Variants in MBTD1 observed in about 807,000 individuals in gnomAD.
MBTD1 encodes the protein mbt domain containing 1.
In MBTD1, 24 loss-of-function variants were observed where a neutral mutation model predicts 87.8. The observed-to-expected ratio is 0.27, with a 90% CI of 0.20 to 0.38. The LOEUF (loss-of-function observed/expected upper bound fraction) is 0.38. MBTD1 is among the 10% of genes least tolerant of loss of function. The pLI, the probability that MBTD1 is intolerant of heterozygous loss-of-function variation, is 1.00. For missense variants in MBTD1, 436 were observed against 760.2 expected (o/e 0.57, Z 5.02); for synonymous variants, 237 against 248.6 (o/e 0.95, Z 0.44).
In MBTD1 at chr17:51,178,522, T is replaced by A; in HGVS notation, c.*2054A>T. ...CATGGAGCTCCTAAATCCAAGGTACTGGCAGAGTACACTACACAACAGGCT... is the reference window on the plus strand; with the variant it reads ...CATGGAGCTCCTAAATCCAAGGTACAGGCAGAGTACACTACACAACAGGCT... On this transcript the variant is annotated 3_prime_UTR_variant, in exon 17 of 17. Transcript: ENST00000586178. The A allele has an allele frequency of 6.6e-6, 1 of 152,236 alleles. No individual in the cohort carries two copies. The highest frequency in any genetic ancestry group is 2.4e-5 in the African/African-American group (1 of 41,464). The allele number at this position is 152,236 out of a possible 1,614,324, so 9.4% of individuals were successfully genotyped here. A position where few individuals can be genotyped will look rare whatever the true frequency, so the allele number is the denominator to read the frequency against.
chr17:51,193,411 C>G lies in MBTD1; in HGVS notation c.1455+17G>C, dbSNP rs780437287. On this transcript the variant is annotated intron_variant, in intron 14 of 16. Coordinates refer to ENST00000586178, the MANE Select transcript of MBTD1 (RefSeq NM_017643.3). The stretch of plus-strand genomic sequence containing the variant: ...ATTAATAAGTCCTCACATAATTATG[C>G]TGCCATTTAAATTTACCTTATTAAA... The G allele has an allele frequency of 3.8e-6, 6 of 1,568,170 alleles. No homozygotes were observed. In the East Asian group the frequency reaches 1.3e-4, roughly 35 times the overall value.
intron 2 of MBTD1, among the ~76,000 whole-genome samples, chr17:51,242,079 T>C (rs2054190764): frequency 1.3e-5 from 2 of 152,208 alleles, no homozygotes; most frequent in Non-Finnish European, 2.9e-5. Flanking sequence ...GAACCAAACA[T>C]TTCTCCTAAC....
rs2050195352 is a variant in MBTD1, at chr17:51,179,454, A to C, written c.*1122T>G. 7.7e-6 allele frequency: 1 copy of C among 129,572 alleles called. No individual in the cohort carries two copies. The allele number at this position is 129,572 out of a possible 1,614,324, so 8.0% of individuals were successfully genotyped here. ...AATGGTCCAAATCGGTTATTATTAA[A>C]ATAAATCCTGAATACAATTAAAGAC... On this transcript the variant is annotated 3_prime_UTR_variant, in exon 17 of 17. Transcript: ENST00000586178.
chr17:51,219,419 A>C (rs1435439849), intron 4 of MBTD1, among the ~76,000 whole-genome samples: 1 of 152,202 alleles, frequency 6.6e-6, no homozygotes, highest in Non-Finnish European at 1.5e-5. Context: ...TTATATGGTA[A>C]GAGAAGATAA....
chr17:51,224,931 A>G (rs1049925009), intron 3 of MBTD1, 77 bp downstream of exon 3: 7 of 875,496 alleles, frequency 8.0e-6, no homozygotes, highest in Non-Finnish European at 1.1e-5. Context: ...AAGGAAGGGG[A>G]AATGACAGAA....
At chr17:51,251,260 C>A (rs553739048) in intron 2 of MBTD1, 17 of 152,256 alleles carry the variant, frequency 1.1e-4, no homozygotes, top group African/African-American at 4.1e-4. Flanking sequence ...AGAGCTCCTA[C>A]TTCAAGAACA....
At chr17:51,248,150 A>G (rs974470124) in intron 2 of MBTD1, among the ~76,000 whole-genome samples, 1 of 152,174 alleles carries the variant, frequency 6.6e-6, no homozygotes, top group African/African-American at 2.4e-5. Context: ...TGATTCATCT[A>G]TTATGTGACT....
intron 5 of MBTD1, among the ~76,000 whole-genome samples, chr17:51,217,788 T>C (rs2052653752): frequency 6.6e-6 from 1 of 152,210 alleles, no homozygotes; most frequent in African/African-American, 2.4e-5. Context: ...TTTGTATTTT[T>C]AGTAGAGACG....
intron 16 of MBTD1, chr17:51,184,812 G>A (rs946654763): frequency 1.3e-5 from 2 of 152,074 alleles, no homozygotes; most frequent in African/African-American, 4.8e-5. Context: ...ATAAATAAGT[G>A]CAAAAAGAAA....
chr17:51,193,354 ATTTTT>A (rs2050903993), intron 14 of MBTD1, 69 bp downstream of exon 14: 1 of 1,028,220 alleles, frequency 9.7e-7, no homozygotes, highest in Non-Finnish European at 1.5e-6. Flanking sequence ...AGGCAAAGAC[ATTTTT>A]ATGAACATAA....
chr17:51,222,336 C>T (rs1048881806), intron 3 of MBTD1, among the ~76,000 whole-genome samples: 3 of 152,230 alleles, frequency 2.0e-5, no homozygotes, highest in Non-Finnish European at 4.4e-5. Flanking sequence ...GATAAAATCT[C>T]ATGTAGCTTT....
chr17:51,192,462 C>T (rs910168483), intron 15 of MBTD1, 182 bp from the exon 16 acceptor site: 17 of 627,616 alleles, frequency 2.7e-5, no homozygotes, highest in South Asian at 2.0e-4. Flanking sequence ...ACATTTTCCA[C>T]TATTTACTCA....
intron 6 of MBTD1, among the ~76,000 whole-genome samples, chr17:51,207,396 GA>G (rs1447932558): frequency 6.6e-6 from 1 of 152,092 alleles, no homozygotes; most frequent in East Asian, 1.9e-4. Context: ...CCTAAGAGCA[GA>G]AAGAAAAACA....
intron 2 of MBTD1, among the ~76,000 whole-genome samples, chr17:51,230,442 T>C (rs939750927): frequency 6.8e-6 from 1 of 147,442 alleles, no homozygotes; most frequent in East Asian, 1.9e-4. Context: ...CAGAAAAGCA[T>C]GCAAAGCAGA....
chr17:51,210,163 G>A lies in MBTD1; in HGVS notation c.487-3158C>T, dbSNP rs966204489. On this transcript the variant is annotated intron_variant, in intron 6 of 16. Coordinates refer to ENST00000586178, the MANE Select transcript of MBTD1 (RefSeq NM_017643.3). ...ATTACAGGCGCATGCCACCAAGCCT[G>A]GCTAATTTTTGTATTTTTAGTTTTG... is the stretch of plus-strand genomic sequence containing the variant. 2.6e-5 allele frequency among the ~76,000 whole-genome samples: 4 copies of A among 151,950 alleles called. No homozygotes were observed. In the East Asian group the frequency reaches 5.8e-4, roughly 22 times the overall value.
intron 2 of MBTD1, among the ~76,000 whole-genome samples, chr17:51,238,624 G>A (rs1231784770): frequency 1.3e-5 from 2 of 152,158 alleles, no homozygotes; most frequent in African/African-American, 4.8e-5. Context: ...TGTTGCAGCA[G>A]CATGGGGAAA....
At chr17:51,190,896 C>T (rs140201020) in intron 16 of MBTD1, among the ~76,000 whole-genome samples, 14,708 of 150,882 alleles carry the variant, frequency 0.097, 1,095 homozygotes, top group African/African-American at 0.2. Flanking sequence ...GCCTGGGCAA[C>T]GTGGCAAGAC....
chr17:51,200,605 TG>T (rs2051416892), intron 12 of MBTD1, among the ~76,000 whole-genome samples: 1 of 146,948 alleles, frequency 6.8e-6, no homozygotes. Flanking sequence ...GGCTCATGCC[TG>T]TAATCCCAGC....
chr17:51,237,516 C>T (rs1011908807), intron 2 of MBTD1, among the ~76,000 whole-genome samples: 6 of 151,778 alleles, frequency 4.0e-5, no homozygotes, highest in African/African-American at 1.2e-4. Context: ...TAAAAAGAGG[C>T]AAAAGATCTA....
Sources: allele counts gnomAD v4.1 joint callset (sites outside exome capture counted in the v4.1 genomes callset), GRCh38; gene constraint gnomAD v4.1.1; transcripts MANE v1.5; gene names NCBI Gene and HGNC (gene_info 2026-07-23, HGNC 2026-07-21).